Variants in MTA3 observed in about 807,000 individuals in gnomAD.
MTA3 encodes the protein metastasis-associated protein MTA3.
A neutral mutation model predicts 83.5 loss-of-function variants in MTA3; 34 were observed. The ratio of observed to expected loss-of-function variants is 0.41; its 90% CI spans 0.31 to 0.54. The LOEUF is 0.54. Among genes scored for constraint, MTA3 ranks in the 20% least tolerant of loss-of-function variants. MTA3 has a pLI of 0.33. For missense variants in MTA3, 761 were observed against 726.4 expected, an observed-to-expected ratio of 1.05 and a Z score of -0.55; for synonymous variants, 303 against 252.7, an observed-to-expected ratio of 1.20 and a Z score of -1.89.
At chr2:42,652,314 C>T (rs563419978) in intron 6 of MTA3, among the ~76,000 whole-genome samples, 8 of 152,192 alleles carry the variant, frequency 5.3e-5, no homozygotes, top group Admixed American at 4.6e-4. Flanking sequence ...TCAGAGAAAT[C>T]CTGTTTGCAT....
At chr2:42,718,179 C>T (rs996065787) in intron 14 of MTA3, among the ~76,000 whole-genome samples, 2 of 148,940 alleles carry the variant, frequency 1.3e-5, no homozygotes, top group African/African-American at 2.5e-5. Flanking sequence ...TTATTGTAGG[C>T]ATGACCTAGA....
At chr2:42,695,665 A>AAAAAGG in intron 9 of MTA3, 100 bp from the exon 10 acceptor site, 2 of 374,040 alleles carry the variant, frequency 5.3e-6, no homozygotes, top group East Asian at 7.3e-5. Flanking sequence ...AAAAAAAGAA[A>AAAAAGG]GTGGTGGTTT....
At chr2:42,582,129 C>G (rs938258512) in intron 3 of MTA3, among the ~76,000 whole-genome samples, 13 of 151,950 alleles carry the variant, frequency 8.6e-5, no homozygotes, top group Non-Finnish European at 1.5e-4. Flanking sequence ...GCGATCTTGG[C>G]TCACTGCAAG....
At chr2:42,750,032 G>T (rs6713154) in intron 16 of MTA3, among the ~76,000 whole-genome samples, 47,843 of 151,080 alleles carry the variant, frequency 0.32, 7,913 homozygotes, top group East Asian at 0.63. Flanking sequence ...TCACTCTGTC[G>T]CCAGGCTGGA....
chr2:42,597,354 T>TG (rs1455025459), intron 3 of MTA3, among the ~76,000 whole-genome samples: 1 of 148,984 alleles, frequency 6.7e-6, no homozygotes, highest in African/African-American at 2.5e-5. Flanking sequence ...AGTGAGCCAC[T>TG]GCACCTGGCC....
intron 16 of MTA3, among the ~76,000 whole-genome samples, chr2:42,742,061 A>G (rs761006287): frequency 6.6e-6 from 1 of 152,024 alleles, no homozygotes; most frequent in African/African-American, 2.4e-5. Context: ...AAATGGGTAT[A>G]TGTTTGCGAA....
chr2:42,672,017 C>T (rs1690841625), intron 8 of MTA3, among the ~76,000 whole-genome samples: 1 of 152,214 alleles, frequency 6.6e-6, no homozygotes, highest in Non-Finnish European at 1.5e-5. Flanking sequence ...GGGATCATCA[C>T]CTCTCCTTGC....
At chr2:42,559,387 A>G (rs934477674) in intron 2 of MTA3, among the ~76,000 whole-genome samples, 1 of 151,738 alleles carries the variant, frequency 6.6e-6, no homozygotes, top group African/African-American at 2.4e-5. Context: ...CTGTAATCCC[A>G]GCTACTCTGG....
At chr2:42,505,186 G>C (rs552396689) in intron 2 of MTA3, among the ~76,000 whole-genome samples, 2 of 152,122 alleles carry the variant, frequency 1.3e-5, no homozygotes, top group African/African-American at 2.4e-5. Context: ...GAGGTCAGGA[G>C]ATTGAGGCAT....
At position 42,709,069 on chromosome 2, in the gene MTA3, A is replaced by G. The variant is rs766253727; in HGVS notation, c.1498A>G (p.Ile500Val). 4 of 1,609,374 alleles carry G rather than the reference A, an allele frequency of 2.5e-6. No homozygotes were observed. Among genetic ancestry groups the G allele is most frequent in the South Asian group, 1.1e-5 (1 of 90,712 alleles). Residue 500 changes from isoleucine (I) to valine (V), a missense_variant, in exon 14 of 17, where the codon ATT becomes GTT. Coordinates refer to ENST00000405094, the MANE Select transcript of MTA3 (RefSeq NM_001330442.2). ...GGCAGCAAGACGGCCGTTTGTTGCT[A>G]TTAATTATGCTGCCATTAGGGCAGA... ...RQAARRPFVAINYAAIRAEYA... is the reference protein window; with the variant it reads ...RQAARRPFVAVNYAAIRAEYA...
chr2:42,708,297 A>G (rs1666283927), intron 13 of MTA3, among the ~76,000 whole-genome samples: 1 of 152,238 alleles, frequency 6.6e-6, no homozygotes, highest in Non-Finnish European at 1.5e-5. Context: ...TAGCATAAGT[A>G]GAGAGCTTAC....
intron 2 of MTA3, among the ~76,000 whole-genome samples, chr2:42,533,926 G>T (rs1414518064): frequency 6.6e-6 from 1 of 151,300 alleles, no homozygotes; most frequent in Non-Finnish European, 1.5e-5. Context: ...TACTTTTTCT[G>T]TTGTGGCTAC....
chr2:42,646,747 A>G (rs1016959077), intron 6 of MTA3, among the ~76,000 whole-genome samples: 1 of 152,104 alleles, frequency 6.6e-6, no homozygotes, highest in Non-Finnish European at 1.5e-5. Context: ...GATGGAATCT[A>G]CTCCTGGTGA....
At chr2:42,539,465 C>A (rs369140821) in intron 2 of MTA3, among the ~76,000 whole-genome samples, 2 of 151,458 alleles carry the variant, frequency 1.3e-5, no homozygotes, top group Admixed American at 6.6e-5. Context: ...ACTGCCCCCA[C>A]GATTAAATCA....
At chr2:42,537,541 G>GT (rs1676300770) in intron 2 of MTA3, among the ~76,000 whole-genome samples, 1 of 151,226 alleles carries the variant, frequency 6.6e-6, no homozygotes, top group Non-Finnish European at 1.5e-5. Context: ...CTCCAGCCTG[G>GT]AAGACAAGAG....
At chr2:42,495,787 T>C (rs147602681) in intron 2 of MTA3, among the ~76,000 whole-genome samples, 146 of 152,294 alleles carry the variant, frequency 9.6e-4, no homozygotes, top group African/African-American at 3.3e-3. Flanking sequence ...CTTTGCACTT[T>C]GGGTCATTCT....
chr2:42,676,003 T>C (rs1481177040), intron 8 of MTA3, among the ~76,000 whole-genome samples: 1 of 152,254 alleles, frequency 6.6e-6, no homozygotes, highest in South Asian at 2.1e-4. Flanking sequence ...TGTACACACC[T>C]GATGAGTGTT....
chr2:42,709,275 C>G, intron 14 of MTA3, 179 bp downstream of exon 14: 2 of 1,356,180 alleles, frequency 1.5e-6, no homozygotes, highest in Admixed American at 7.8e-5. Context: ...ATCATGCCAA[C>G]CTGGAAAAAA....
At chr2:42,734,314 C>G (rs987296368) in intron 16 of MTA3, among the ~76,000 whole-genome samples, 1 of 151,462 alleles carries the variant, frequency 6.6e-6, no homozygotes, top group Non-Finnish European at 1.5e-5. Flanking sequence ...TAGTTTTTGT[C>G]TTTAAATCTT....
Sources: gnomAD v4.1 joint callset for allele counts (sites outside exome capture counted in the v4.1 genomes callset) on GRCh38, gnomAD v4.1.1 for gene constraint, MANE v1.5 for transcripts, NCBI Gene and HGNC (gene_info 2026-07-23, HGNC 2026-07-21) for gene names.